Variants in SLIT3 observed in about 807,000 individuals in gnomAD.
SLIT3 encodes slit guidance ligand 3.
Under a neutral mutation model 184.0 loss-of-function variants are expected in SLIT3, and 68 were observed. The observed-to-expected ratio is 0.37, with a 90% confidence interval of 0.30 to 0.45. The LOEUF is 0.45. Among genes scored for constraint, SLIT3 ranks in the 20% least tolerant of loss-of-function variants. The pLI is 1.00. For synonymous variants in SLIT3, 831 were observed against 828.6 expected, an observed-to-expected ratio of 1.00 and a Z score of -0.05; for missense variants, 1,707 against 2,026.0, an observed-to-expected ratio of 0.84 and a Z score of 3.02.
rs746883828 is a variant in SLIT3, at chr5:168,696,564, T to A, written c.2943-133A>T. 3 of 1,015,006 alleles carry A rather than the reference T, an allele frequency of 3.0e-6. No homozygotes were observed. The African/African-American group carries it at 4.8e-5, about 16-fold the overall frequency. The allele number at this position is 1,015,006 out of a possible 1,614,324, so 62.9% of individuals were successfully genotyped here. A position where few individuals can be genotyped will look rare whatever the true frequency, so the allele number is the denominator to read the frequency against. On this transcript the variant is annotated intron_variant, in intron 27 of 35. Transcript: ENST00000519560. ...CCAGATGGAGGTCTGAGAAAGCACTTTGGACACATGAGGCCTTGGGGTCCT... is the reference window on the plus strand; with the variant it reads ...CCAGATGGAGGTCTGAGAAAGCACTATGGACACATGAGGCCTTGGGGTCCT...
intron 1 of SLIT3, among the ~76,000 whole-genome samples, chr5:169,290,785 G>A (rs1425356198): frequency 1.3e-5 from 2 of 151,090 alleles, no homozygotes; most frequent in Non-Finnish European, 3.0e-5. Context: ...CAACCACTAG[G>A]GCACACGCTA....
intron 1 of SLIT3, among the ~76,000 whole-genome samples, chr5:169,293,684 A>T (rs1053877724): frequency 2.6e-5 from 4 of 152,228 alleles, no homozygotes; most frequent in Admixed American, 2.6e-4. Context: ...TTTGGGCCCC[A>T]GAGTCTGGCT....
chr5:169,294,462 G>A lies in SLIT3; in HGVS notation c.197+6051C>T, dbSNP rs549441694. 4.6e-5 allele frequency among the ~76,000 whole-genome samples: 7 copies of A among 152,308 alleles called. No individual in the cohort carries two copies. In the South Asian group the frequency reaches 1.4e-3, roughly 32 times the overall value. On this transcript the variant is annotated intron_variant, in intron 1 of 35. Transcript: ENST00000519560. ...CTGTGGGGGCAGGACCAAGAGCAGA[G>A]AGAGAAAAGGAGGGGCCTAGCCAAG...
intron 4 of SLIT3, among the ~76,000 whole-genome samples, chr5:169,141,836 G>A (rs1449213830): frequency 6.6e-6 from 1 of 151,476 alleles, no homozygotes; most frequent in Non-Finnish European, 1.5e-5. Flanking sequence ...TGGATCACAA[G>A]GTCAGGAGAT....
chr5:169,199,995 C>T (rs184642686), intron 3 of SLIT3, among the ~76,000 whole-genome samples: 10 of 152,290 alleles, frequency 6.6e-5, no homozygotes, highest in East Asian at 5.8e-4. Flanking sequence ...CCTGCTGATC[C>T]GGGAAGTCAC....
intron 2 of SLIT3, among the ~76,000 whole-genome samples, chr5:169,247,288 G>A (rs1403822730): frequency 6.6e-6 from 1 of 152,030 alleles, no homozygotes; most frequent in Non-Finnish European, 1.5e-5. Flanking sequence ...GAGGGCCTTG[G>A]AATGCTAATA....
intron 4 of SLIT3, among the ~76,000 whole-genome samples, chr5:169,111,341 A>G (rs1338952562): frequency 6.6e-6 from 1 of 152,238 alleles, no homozygotes; most frequent in African/African-American, 2.4e-5. Context: ...TCTGTAAATG[A>G]TAAGCTGTGT....
intron 3 of SLIT3, among the ~76,000 whole-genome samples, chr5:169,205,894 T>C (rs569373531): frequency 1.3e-5 from 2 of 152,302 alleles, no homozygotes; most frequent in East Asian, 3.9e-4. Context: ...CCTGAGAGCT[T>C]GGAGCAAGAG....
intron 1 of SLIT3, chr5:169,263,690 C>T (rs775706891): frequency 2.0e-6 from 1 of 511,598 alleles, no homozygotes; most frequent in East Asian, 6.7e-5. Flanking sequence ...AGCACAGACA[C>T]CCCACACTCC....
chr5:169,151,194 T>C (rs913183334), intron 4 of SLIT3, among the ~76,000 whole-genome samples: 1 of 152,182 alleles, frequency 6.6e-6, no homozygotes, highest in Non-Finnish European at 1.5e-5. Flanking sequence ...AAGTGATTCC[T>C]TGCCTTGCCT....
chr5:168,993,417 T>C (rs995014069), intron 4 of SLIT3, among the ~76,000 whole-genome samples: 1 of 152,148 alleles, frequency 6.6e-6, no homozygotes, highest in Non-Finnish European at 1.5e-5. Flanking sequence ...CTCTGTCATC[T>C]CTCAGAAGCA....
At chr5:168,757,623 G>A (rs1754997947) in intron 16 of SLIT3, among the ~76,000 whole-genome samples, 1 of 152,148 alleles carries the variant, frequency 6.6e-6, no homozygotes, top group South Asian at 2.1e-4. Context: ...TTTTAGTAGA[G>A]ACGGGGTTTC....
rs1468229735 is a variant in SLIT3 at position 168,673,340 on chromosome 5, T to C, written c.3687-9A>G. The C allele has an allele frequency of 6.2e-6, 10 of 1,611,086 alleles. No individual in the cohort carries two copies. The highest frequency in any genetic ancestry group is 4.5e-5 in the East Asian group (2 of 44,850). On this transcript the variant is annotated splice_polypyrimidine_tract_variant and intron_variant, in intron 32 of 35. Transcript: ENST00000519560. ...CATTCACTGTCTCCACACTGGCCAG[T>C]AGAGAAGGGGAGAAAGCCGGAGAGT... is the stretch of plus-strand genomic sequence containing the variant.
At chr5:168,729,787 C>T (rs1763240623) in intron 20 of SLIT3, among the ~76,000 whole-genome samples, 1 of 151,958 alleles carries the variant, frequency 6.6e-6, no homozygotes, top group Admixed American at 6.6e-5. Context: ...CACCAAACCA[C>T]AAAGACAGAA....
intron 4 of SLIT3, among the ~76,000 whole-genome samples, chr5:168,926,590 C>T (rs963809226): frequency 3.3e-5 from 5 of 152,144 alleles, no homozygotes; most frequent in Admixed American, 1.3e-4. Context: ...TGGATCTAAC[C>T]GTGTTAAAGC....
intron 20 of SLIT3, among the ~76,000 whole-genome samples, chr5:168,736,510 C>A (rs1262796228): frequency 6.6e-6 from 1 of 152,182 alleles, no homozygotes; most frequent in Non-Finnish European, 1.5e-5. Flanking sequence ...CTCTGGGGAG[C>A]ATGGGGGATA....
chr5:168,903,752 C>T (rs1760948534), intron 4 of SLIT3, among the ~76,000 whole-genome samples: 1 of 152,154 alleles, frequency 6.6e-6, no homozygotes, highest in Non-Finnish European at 1.5e-5. Flanking sequence ...CTATGATCCC[C>T]CTCTACAATT....
At chr5:169,175,434 G>T (rs1762950998) in intron 4 of SLIT3, among the ~76,000 whole-genome samples, 1 of 152,098 alleles carries the variant, frequency 6.6e-6, no homozygotes, top group Admixed American at 6.6e-5. Flanking sequence ...CTAAATTTTA[G>T]CTTGAGCAAA....
At chr5:169,187,764 G>A (rs1243416554) in intron 4 of SLIT3, among the ~76,000 whole-genome samples, 1 of 151,754 alleles carries the variant, frequency 6.6e-6, no homozygotes, top group African/African-American at 2.4e-5. Flanking sequence ...ACATTGGCCA[G>A]GCTTGTCTCA....
Sources: gnomAD v4.1 joint callset for allele counts (sites outside exome capture counted in the v4.1 genomes callset) on GRCh38, gnomAD v4.1.1 for gene constraint, MANE v1.5 for transcripts, NCBI Gene and HGNC (gene_info 2026-07-23, HGNC 2026-07-21) for gene names.